The following SHISA9 variants were observed in gnomAD, a reference collection of about 807,000 sequenced individuals.
SHISA9 encodes the protein protein shisa-9.
A neutral mutation model predicts 38.0 loss-of-function variants in SHISA9; 13 were observed. That is an observed-to-expected ratio of 0.34 (90% CI 0.22 to 0.54). SHISA9 has a LOEUF of 0.54. Ranked by LOEUF, SHISA9 falls within the 20% of genes least tolerant of loss-of-function variation. The probability of loss-of-function intolerance (pLI) is 0.91; values close to 1 mark genes in which losing one functional copy is unlikely to be tolerated. For missense variants in SHISA9, 538 were observed against 575.8 expected, an observed-to-expected ratio of 0.93 and a Z score of 0.67; for synonymous variants, 275 against 242.0, an observed-to-expected ratio of 1.14 and a Z score of -1.27.
At chr16:13,024,513 A>C (rs77039143) in intron 2 of SHISA9, among the ~76,000 whole-genome samples, 4 of 152,324 alleles carry the variant, frequency 2.6e-5, no homozygotes, top group Admixed American at 2.6e-4. Flanking sequence ...ATACATATGT[A>C]TTAAAGGATT....
chr16:13,522,065 C>T, the SHISA9 span, among the ~76,000 whole-genome samples: 1 of 152,164 alleles, frequency 6.6e-6, no homozygotes, highest in Non-Finnish European at 1.5e-5. Flanking sequence ...CCGGGAAGTT[C>T]GAATTCCCCA....
chr16:13,124,240 T>A (rs557051227), intron 2 of SHISA9, among the ~76,000 whole-genome samples: 93 of 152,310 alleles, frequency 6.1e-4, no homozygotes, highest in African/African-American at 2.1e-3. Context: ...GCTCACACTA[T>A]TTGAAGGTTC....
At chr16:13,033,476 C>T (rs1163077777) in intron 2 of SHISA9, among the ~76,000 whole-genome samples, 1 of 152,152 alleles carries the variant, frequency 6.6e-6, no homozygotes, top group Non-Finnish European at 1.5e-5. Context: ...CTTCTCTAAT[C>T]CACATGATCT....
intron 2 of SHISA9, among the ~76,000 whole-genome samples, chr16:12,989,485 AT>A (rs2072356417): frequency 6.6e-6 from 1 of 152,054 alleles, no homozygotes; most frequent in Admixed American, 6.6e-5. Context: ...GGCCAAACTC[AT>A]TAATTTTTTA....
chr16:13,473,678 ATC>A, the SHISA9 span, among the ~76,000 whole-genome samples: 1 of 152,168 alleles, frequency 6.6e-6, no homozygotes, highest in Non-Finnish European at 1.5e-5. Flanking sequence ...CCTAACAGTT[ATC>A]CCTCCCACTT....
intron 2 of SHISA9, among the ~76,000 whole-genome samples, chr16:12,931,137 T>C (rs920838681): frequency 1.3e-5 from 2 of 152,168 alleles, no homozygotes; most frequent in Non-Finnish European, 2.9e-5. Flanking sequence ...AGGATAACTT[T>C]TAGTAAAAGT....
chr16:13,173,148 C>T (rs2050701351), intron 2 of SHISA9, among the ~76,000 whole-genome samples: 1 of 79,582 alleles, frequency 1.3e-5, no homozygotes, highest in Non-Finnish European at 2.3e-5. Flanking sequence ...AAGAGATGCA[C>T]GTGCGCACAC....
intron 2 of SHISA9, among the ~76,000 whole-genome samples, chr16:12,973,753 G>T (rs2072117032): frequency 1.3e-5 from 2 of 152,154 alleles, no homozygotes; most frequent in Non-Finnish European, 2.9e-5. Context: ...TAGAGGTGGG[G>T]ATAGTAGCAC....
chr16:13,374,885 G>C, the SHISA9 span, among the ~76,000 whole-genome samples: 1 of 152,208 alleles, frequency 6.6e-6, no homozygotes, highest in Non-Finnish European at 1.5e-5. Flanking sequence ...GTATCTCATT[G>C]TGGTTTTGAG....
chr16:13,215,763 C>T (rs976328898), intron 4 of SHISA9, among the ~76,000 whole-genome samples: 4 of 152,288 alleles, frequency 2.6e-5, no homozygotes, highest in African/African-American at 7.2e-5. Context: ...GAACCAAGTT[C>T]CTCTGGGGTC....
At chr16:13,539,831 A>T in the SHISA9 span, among the ~76,000 whole-genome samples, 4 of 152,228 alleles carry the variant, frequency 2.6e-5, no homozygotes, top group Admixed American at 6.5e-5. Context: ...GGCACTTATA[A>T]ATGAGAACAC....
At chr16:13,523,811 C>T in the SHISA9 span, among the ~76,000 whole-genome samples, 36 of 152,304 alleles carry the variant, frequency 2.4e-4, no homozygotes, top group African/African-American at 6.5e-4. Flanking sequence ...GATCTAGGTG[C>T]GGATGCACAT....
At chr16:13,091,043 C>A (rs1207581542) in intron 2 of SHISA9, among the ~76,000 whole-genome samples, 2 of 152,144 alleles carry the variant, frequency 1.3e-5, no homozygotes, top group African/African-American at 4.8e-5. Flanking sequence ...GATTTTATTT[C>A]TCCTTCATTT....
the SHISA9 span, among the ~76,000 whole-genome samples, chr16:13,291,299 C>A: frequency 2.6e-5 from 4 of 152,138 alleles, no homozygotes; most frequent in East Asian, 7.7e-4. Flanking sequence ...CCAACCCAAA[C>A]CCCAGGTGAA....
intron 2 of SHISA9, among the ~76,000 whole-genome samples, chr16:13,005,703 C>G (rs749881554): frequency 3.3e-5 from 5 of 152,184 alleles, no homozygotes; most frequent in African/African-American, 7.2e-5. Flanking sequence ...CATGTGCCAA[C>G]CCTCCAATCC....
intron 2 of SHISA9, among the ~76,000 whole-genome samples, chr16:13,031,442 T>A (rs1417691353): frequency 1.3e-5 from 2 of 152,176 alleles, no homozygotes; most frequent in African/African-American, 4.8e-5. Flanking sequence ...GTGGCCAGTA[T>A]GATACAGGCA....
Position 13,237,017 on chromosome 16 carries a change from G to A in SHISA9, c.*1608G>A, listed in dbSNP as rs2051391674. 1 of 152,190 alleles carries A rather than the reference G, an allele frequency of 6.6e-6. No homozygotes were observed. The highest frequency in any genetic ancestry group is 2.4e-5 in the African/African-American group (1 of 41,456). 9.4% of individuals were successfully genotyped at this position (152,190 alleles called of 1,614,324 possible). A position where few individuals can be genotyped will look rare whatever the true frequency, so the allele number is the denominator to read the frequency against. ...CAAAGAAGTGGATTGAGAGAGAAGA[G>A]ATTTTTATCTAAGGTGGAAGGTTTT... On this transcript the variant is annotated 3_prime_UTR_variant, in exon 5 of 5. Coordinates refer to ENST00000558583, the MANE Select transcript of SHISA9 (RefSeq NM_001145204.3).
chr16:13,559,122 C>T, the SHISA9 span, among the ~76,000 whole-genome samples: 3 of 152,068 alleles, frequency 2.0e-5, no homozygotes, highest in Non-Finnish European at 2.9e-5. Flanking sequence ...AATATATACA[C>T]TCTTAACAAA....
chr16:12,981,420 T>G (rs2072238610), intron 2 of SHISA9, among the ~76,000 whole-genome samples: 1 of 152,172 alleles, frequency 6.6e-6, no homozygotes, highest in South Asian at 2.1e-4. Flanking sequence ...CCCATTCCAG[T>G]TTATCCTTTC....
Sources: gnomAD v4.1 joint callset for allele counts (sites outside exome capture counted in the v4.1 genomes callset) on GRCh38, gnomAD v4.1.1 for gene constraint, MANE v1.5 for transcripts, NCBI Gene and HGNC (gene_info 2026-07-23, HGNC 2026-07-21) for gene names.